CCDC7: variants seen among roughly 807,000 people sequenced by gnomAD.
The protein encoded by CCDC7 is coiled-coil domain containing 7, also known as coiled-coil domain-containing protein 7.
CCDC7 carries 183 observed loss-of-function variants against 196.9 expected under a neutral mutation model. That is an observed-to-expected ratio of 0.93 (90% CI 0.82 to 1.05). The LOEUF (loss-of-function observed/expected upper bound fraction) is 1.05. CCDC7 is among the 50% of genes least tolerant of loss of function. The probability of loss-of-function intolerance (pLI) is 0.00; values close to 1 mark genes in which losing one functional copy is unlikely to be tolerated. For missense variants in CCDC7, 1,540 were observed against 1,482.2 expected (o/e 1.04, Z -0.64); for synonymous variants, 525 against 484.6 (o/e 1.08, Z -1.10).
intron 38 of CCDC7, 130 bp from the exon 40 acceptor site, chr10:32,848,466 A>T: frequency 1.6e-6 from 1 of 643,700 alleles, no homozygotes; most frequent in Non-Finnish European, 2.7e-6. Context: ...GTAATAAACA[A>T]GTGGCCATTT....
intron 24 of CCDC7, among the ~76,000 whole-genome samples, chr10:32,708,764 C>T (rs1253678755): frequency 6.6e-6 from 1 of 152,148 alleles, no homozygotes; most frequent in Non-Finnish European, 1.5e-5. Flanking sequence ...ATCAAAACCA[C>T]AATGAGATAC....
chr10:32,750,790 A>G (rs923376773), intron 28 of CCDC7, among the ~76,000 whole-genome samples: 3 of 152,178 alleles, frequency 2.0e-5, no homozygotes, highest in Non-Finnish European at 2.9e-5. Flanking sequence ...TTGGCCTTCA[A>G]TATTCTCACA....
rs541601616 is a variant in CCDC7, at chr10:32,543,942, A to G, written c.1080-305A>G. Reference sequence around the variant, plus strand: ...ACTTTATAGAATTCCACAAATCCTGAAAAGAAATTCATGGGACAAATGGCT... The same window carrying G: ...ACTTTATAGAATTCCACAAATCCTGGAAAGAAATTCATGGGACAAATGGCT... On this transcript the variant is annotated intron_variant, in intron 12 of 41. Transcript: ENST00000639629. 2.0e-5 allele frequency among the ~76,000 whole-genome samples: 3 copies of G among 152,164 alleles called. No individual in the cohort carries two copies. The East Asian group carries it at 5.8e-4, about 29-fold the overall frequency.
chr10:32,756,873 A>G (rs1739771293), intron 28 of CCDC7, among the ~76,000 whole-genome samples: 1 of 152,220 alleles, frequency 6.6e-6, no homozygotes, highest in African/African-American at 2.4e-5. Context: ...GTGCAGAGAC[A>G]CACATAGGCT....
chr10:32,461,751 A>ATATAT (rs1564632762), intron 3 of CCDC7, among the ~76,000 whole-genome samples: 1 of 68,302 alleles, frequency 1.5e-5, no homozygotes, highest in Admixed American at 1.8e-4. Flanking sequence ...ATATATATAT[A>ATATAT]CATATATATA....
exon 5 of CCDC7, chr10:32,463,031 G>C (rs745746480): frequency 3.7e-6 from 6 of 1,613,414 alleles, no homozygotes; most frequent in Non-Finnish European, 4.2e-6. Context: ...TTCAGTGGCA[G>C]GTCAATCAGA....
chr10:32,727,190 C>T (rs1321278519), intron 26 of CCDC7, among the ~76,000 whole-genome samples: 1 of 152,086 alleles, frequency 6.6e-6, no homozygotes, highest in African/African-American at 2.4e-5. Context: ...CTTCCCTAGG[C>T]TTCAGTCAAC....
chr10:32,705,029 C>T (rs947424752), intron 24 of CCDC7, among the ~76,000 whole-genome samples: 1 of 152,144 alleles, frequency 6.6e-6, no homozygotes, highest in Non-Finnish European at 1.5e-5. Context: ...CCTGCACCCA[C>T]TGTCCGACAA....
intron 21 of CCDC7, among the ~76,000 whole-genome samples, chr10:32,675,158 A>G (rs1454863577): frequency 6.6e-6 from 1 of 151,976 alleles, no homozygotes; most frequent in Non-Finnish European, 1.5e-5. Context: ...TCTGTTTTAT[A>G]GCTGTGCCCT....
intron 28 of CCDC7, among the ~76,000 whole-genome samples, chr10:32,759,363 C>G (rs936903694): frequency 1.3e-5 from 2 of 152,242 alleles, no homozygotes; most frequent in South Asian, 2.1e-4. Flanking sequence ...GCTACAGTAA[C>G]CAAAAGAGCA....
chr10:32,508,531 A>G (rs1564497476), intron 9 of CCDC7, among the ~76,000 whole-genome samples: 1 of 152,236 alleles, frequency 6.6e-6, no homozygotes, highest in Non-Finnish European at 1.5e-5. Context: ...TCACAGACAT[A>G]AAACAAATCC....
intron 28 of CCDC7, among the ~76,000 whole-genome samples, chr10:32,771,354 G>A (rs779870741): frequency 1.3e-5 from 2 of 152,042 alleles, no homozygotes; most frequent in Non-Finnish European, 2.9e-5. Flanking sequence ...AAAACTCTTG[G>A]CTGACAGTTA....
intron 9 of CCDC7, among the ~76,000 whole-genome samples, chr10:32,507,802 GA>G (rs1487483309): frequency 5.9e-5 from 9 of 152,126 alleles, no homozygotes; most frequent in African/African-American, 2.2e-4. Flanking sequence ...AATAGATGCA[GA>G]AACAGCATTT....
chr10:32,823,377 A>C lies in CCDC7; in HGVS notation c.3182-1141A>C, dbSNP rs939111809. Among the ~76,000 whole-genome samples the C allele has an allele frequency of 7.2e-5, 11 of 152,194 alleles. No homozygotes were observed. The South Asian group carries it at 8.3e-4, about 11-fold the overall frequency. ...GGCTGGTCTCGAACTTGGGACCTCGAGATCTGCCCACCTCGGCCTCCCAAA... is the reference window on the plus strand; with the variant it reads ...GGCTGGTCTCGAACTTGGGACCTCGCGATCTGCCCACCTCGGCCTCCCAAA... On this transcript the variant is annotated intron_variant, in intron 31 of 41. Transcript: ENST00000639629.
intron 4 of CCDC7, 127 bp downstream of exon 5, chr10:32,462,830 G>A: frequency 7.9e-6 from 10 of 1,267,012 alleles, no homozygotes. Flanking sequence ...ATATATTTAA[G>A]AATTTTATGT....
chr10:32,611,105 G>T (rs2062077916), intron 18 of CCDC7, among the ~76,000 whole-genome samples: 2 of 152,228 alleles, frequency 1.3e-5, no homozygotes, highest in Admixed American at 6.5e-5. Context: ...ACTTTTTAAT[G>T]ATCACCATTC....
At chr10:32,726,640 A>G (rs2083168754) in intron 25 of CCDC7, 94 bp from the exon 27 acceptor site, 4 of 655,672 alleles carry the variant, frequency 6.1e-6, no homozygotes, top group East Asian at 6.0e-5. Context: ...ATTGCTATAT[A>G]CTTGTTATAA....
chr10:32,447,626 G>A (rs759368663), upstream of CCDC7, among the ~76,000 whole-genome samples: 16 of 152,122 alleles, frequency 1.1e-4, no homozygotes, highest in Non-Finnish European at 1.6e-4. Context: ...GGAGCAGGGC[G>A]CACAGTGGCT....
intron 28 of CCDC7, 29 bp from the exon 30 acceptor site, chr10:32,778,948 A>G (rs1204198482): frequency 1.3e-6 from 2 of 1,499,888 alleles, no homozygotes; most frequent in East Asian, 2.5e-5. Context: ...TTTTAAATCA[A>G]CTACTTTGAC....
Sources: gnomAD v4.1 joint callset for allele counts (sites outside exome capture counted in the v4.1 genomes callset) on GRCh38, gnomAD v4.1.1 for gene constraint, MANE v1.5 for transcripts, NCBI Gene and HGNC (gene_info 2026-07-23, HGNC 2026-07-21) for gene names.